The following MAF variants were observed in gnomAD, a reference collection of about 807,000 sequenced individuals.
The protein encoded by MAF is transcription factor Maf.
In MAF, 10 loss-of-function variants were observed where a neutral mutation model predicts 22.0. The ratio of observed to expected loss-of-function variants is 0.45; its 90% CI spans 0.28 to 0.77. The LOEUF is 0.77. Ranked by LOEUF, MAF falls within the 30% of genes least tolerant of loss-of-function variation. The probability of loss-of-function intolerance (pLI) is 0.12; values close to 1 mark genes in which losing one functional copy is unlikely to be tolerated. For missense variants in MAF, 544 were observed against 548.4 expected (o/e 0.99, Z 0.08); for synonymous variants, 337 against 255.8 (o/e 1.32, Z -3.03).
chr16:79,486,014 C>G, the MAF span, among the ~76,000 whole-genome samples: 1 of 152,188 alleles, frequency 6.6e-6, no homozygotes, highest in African/African-American at 2.4e-5. Flanking sequence ...ATTTTGGGAG[C>G]ACTTATTGAT....
the MAF span, among the ~76,000 whole-genome samples, chr16:79,474,458 G>T: frequency 6.6e-6 from 1 of 152,184 alleles, no homozygotes; most frequent in African/African-American, 2.4e-5. Context: ...AGCAAGGGTG[G>T]ATGTTAAAAT....
the MAF span, among the ~76,000 whole-genome samples, chr16:79,249,919 G>A: frequency 9.2e-5 from 14 of 152,182 alleles, no homozygotes; most frequent in African/African-American, 3.4e-4. Flanking sequence ...CTGATGCAAA[G>A]CAGGTGCTTA....
chr16:79,465,485 C>G, the MAF span, among the ~76,000 whole-genome samples: 5 of 151,912 alleles, frequency 3.3e-5, no homozygotes, highest in Non-Finnish European at 5.9e-5. Context: ...CCCGGCTACT[C>G]GGGAGGCTGA....
the MAF span, among the ~76,000 whole-genome samples, chr16:79,360,240 C>T: frequency 6.6e-6 from 1 of 152,146 alleles, no homozygotes; most frequent in African/African-American, 2.4e-5. Flanking sequence ...GAACCCCTTC[C>T]CCTCTGTCCT....
At chr16:79,223,768 G>A in the MAF span, among the ~76,000 whole-genome samples, 1 of 152,090 alleles carries the variant, frequency 6.6e-6, no homozygotes, top group Non-Finnish European at 1.5e-5. Context: ...AGAAGAAATG[G>A]ATAAATTCCT....
the MAF span, among the ~76,000 whole-genome samples, chr16:79,373,959 T>C: frequency 3.9e-5 from 6 of 152,238 alleles, no homozygotes; most frequent in Admixed American, 1.3e-4. Context: ...TCCAAGAAAA[T>C]TGTCCAACAC....
At chr16:79,578,738 C>G in the MAF span, among the ~76,000 whole-genome samples, 1 of 152,122 alleles carries the variant, frequency 6.6e-6, no homozygotes, top group African/African-American at 2.4e-5. Flanking sequence ...TGCTATTAAT[C>G]GCAAATTACT....
chr16:79,459,686 C>T, the MAF span, among the ~76,000 whole-genome samples: 1 of 151,860 alleles, frequency 6.6e-6, no homozygotes, highest in Non-Finnish European at 1.5e-5. Context: ...GATTCTCCTA[C>T]CTCAGCCTCC....
chr16:79,430,638 T>G, the MAF span, among the ~76,000 whole-genome samples: 5 of 152,146 alleles, frequency 3.3e-5, no homozygotes, highest in Admixed American at 1.3e-4. Context: ...AGGCCTGGTG[T>G]TGGTGGAGAG....
chr16:79,487,914 C>T, the MAF span, among the ~76,000 whole-genome samples: 1 of 152,166 alleles, frequency 6.6e-6, no homozygotes, highest in Non-Finnish European at 1.5e-5. Context: ...GAGAATCTTT[C>T]CACGCAGGGG....
rs1192768402 is a variant in MAF, at chr16:79,594,443, C to T, written c.*17G>A. 8 of 1,550,442 alleles carry T rather than the reference C, an allele frequency of 5.2e-6. No individual in the cohort carries two copies. The highest frequency in any genetic ancestry group is 1.2e-5 in the South Asian group (1 of 84,148). ...AATAATGATGATTTTTTTTAATGTACAGCTCTCACACAAATTTCATTTTGT... is the reference window on the plus strand; with the variant it reads ...AATAATGATGATTTTTTTTAATGTATAGCTCTCACACAAATTTCATTTTGT... On this transcript the variant is annotated 3_prime_UTR_variant, in exon 2 of 2. Coordinates refer to ENST00000326043, the MANE Select transcript of MAF (RefSeq NM_005360.5).
At chr16:79,418,338 A>AG in the MAF span, among the ~76,000 whole-genome samples, 1 of 152,170 alleles carries the variant, frequency 6.6e-6, no homozygotes, top group Admixed American at 6.5e-5. Flanking sequence ...GCAGCCACAG[A>AG]GAAAAAAAGA....
At chr16:79,230,463 C>G in the MAF span, among the ~76,000 whole-genome samples, 1 of 152,138 alleles carries the variant, frequency 6.6e-6, no homozygotes, top group Non-Finnish European at 1.5e-5. Flanking sequence ...CCCGGGTGGG[C>G]GGTCTTGAGC....
At chr16:79,301,500 T>C in the MAF span, among the ~76,000 whole-genome samples, 1 of 152,170 alleles carries the variant, frequency 6.6e-6, no homozygotes, top group Admixed American at 6.6e-5. Flanking sequence ...TAGTCCTGAC[T>C]CTTGGATAGG....
chr16:79,396,196 G>C, the MAF span, among the ~76,000 whole-genome samples: 2 of 152,168 alleles, frequency 1.3e-5, no homozygotes, highest in Admixed American at 6.5e-5. Context: ...CAGGTGAGGG[G>C]TGAGGGTGCC....
At chr16:79,528,342 C>T in the MAF span, among the ~76,000 whole-genome samples, 3 of 152,136 alleles carry the variant, frequency 2.0e-5, no homozygotes, top group Non-Finnish European at 2.9e-5. Flanking sequence ...AGGCCGAGCT[C>T]ATGTGGCTGG....
the MAF span, among the ~76,000 whole-genome samples, chr16:79,546,557 G>C: frequency 5.9e-5 from 9 of 152,058 alleles, no homozygotes; most frequent in Admixed American, 5.2e-4. Context: ...ATTATTATGG[G>C]GTTAAGAAAA....
chr16:79,255,060 T>G, the MAF span, among the ~76,000 whole-genome samples: 1 of 152,200 alleles, frequency 6.6e-6, no homozygotes, highest in Non-Finnish European at 1.5e-5. Context: ...TGTTCACCGG[T>G]GCAGTTTTAT....
At chr16:79,565,399 T>C in the MAF span, among the ~76,000 whole-genome samples, 1 of 152,162 alleles carries the variant, frequency 6.6e-6, no homozygotes, top group African/African-American at 2.4e-5. Flanking sequence ...CCTGGGACTA[T>C]GATATCACAA....
Sources: gnomAD v4.1 joint callset for allele counts (sites outside exome capture counted in the v4.1 genomes callset) on GRCh38, gnomAD v4.1.1 for gene constraint, MANE v1.5 for transcripts, NCBI Gene and HGNC (gene_info 2026-07-23, HGNC 2026-07-21) for gene names.